Variants in SCN11A observed in about 807,000 individuals in gnomAD.
SCN11A encodes sodium voltage-gated channel alpha subunit 11, also known as sodium channel protein type 11 subunit alpha.
Under a neutral mutation model 162.2 loss-of-function variants are expected in SCN11A, and 122 were observed. That is an observed-to-expected ratio of 0.75 (90% CI 0.65 to 0.87). The LOEUF (loss-of-function observed/expected upper bound fraction) is 0.87, where lower values mean the gene tolerates loss of function less well. SCN11A is among the 40% of genes least tolerant of loss of function. The probability of loss-of-function intolerance (pLI) is 0.00; values close to 1 mark genes in which losing one functional copy is unlikely to be tolerated. For synonymous variants in SCN11A, 758 were observed against 751.5 expected (o/e 1.01, Z -0.14); for missense variants, 2,015 against 2,181.6 (o/e 0.92, Z 1.52).
chr3:38,997,487 C>G (rs1273920239), intron 2 of SCN11A, among the ~76,000 whole-genome samples: 1 of 152,238 alleles, frequency 6.6e-6, no homozygotes, highest in Non-Finnish European at 1.5e-5. Context: ...AGTCCTCATG[C>G]TATGCTTTAT....
At chr3:39,020,494 G>C (rs566706598) in intron 2 of SCN11A, among the ~76,000 whole-genome samples, 1 of 152,254 alleles carries the variant, frequency 6.6e-6, no homozygotes, top group African/African-American at 2.4e-5. Context: ...TTTGAGATTT[G>C]AAACTCTCAG....
chr3:38,888,717 C>T (rs940303371), intron 19 of SCN11A, among the ~76,000 whole-genome samples: 2 of 152,146 alleles, frequency 1.3e-5, no homozygotes, highest in Non-Finnish European at 2.9e-5. Context: ...TGAGAGTGCA[C>T]AGCAAATGAA....
At chr3:39,044,335 T>C (rs1172318097) in intron 1 of SCN11A, among the ~76,000 whole-genome samples, 1 of 152,160 alleles carries the variant, frequency 6.6e-6, no homozygotes, top group Non-Finnish European at 1.5e-5. Context: ...AACAGACATT[T>C]ACAGAACATT....
chr3:38,920,689 A>G (rs1198734338), intron 10 of SCN11A, among the ~76,000 whole-genome samples: 7 of 151,656 alleles, frequency 4.6e-5, no homozygotes, highest in Non-Finnish European at 1.0e-4. Context: ...CATCTCAAAA[A>G]AAAAAAAAAA....
At chr3:39,039,372 C>T (rs1344881516) in intron 1 of SCN11A, among the ~76,000 whole-genome samples, 2 of 152,184 alleles carry the variant, frequency 1.3e-5, no homozygotes, top group Non-Finnish European at 2.9e-5. Context: ...TCCACAAACA[C>T]ACAATGAACC....
At chr3:38,937,104 A>T (rs1387586061) in intron 7 of SCN11A, among the ~76,000 whole-genome samples, 2 of 152,092 alleles carry the variant, frequency 1.3e-5, no homozygotes, top group African/African-American at 4.8e-5. Context: ...CAAACCTGAC[A>T]AAAACAAGCA....
chr3:38,904,584 C>T (rs959151813), intron 15 of SCN11A, among the ~76,000 whole-genome samples: 3 of 152,172 alleles, frequency 2.0e-5, no homozygotes. Flanking sequence ...CCCTGATTTC[C>T]CTGGCACCGC....
chr3:38,870,217 A>G (rs1157077564), intron 26 of SCN11A, among the ~76,000 whole-genome samples: 3 of 152,216 alleles, frequency 2.0e-5, no homozygotes, highest in African/African-American at 7.2e-5. Flanking sequence ...ACAGCTGGTC[A>G]TCACTAGAAA....
Position 38,971,587 on chromosome 3 carries a change from A to G in SCN11A, c.-279-11164T>C, listed in dbSNP as rs189814402. ...GCCCTCTTCTTTACTTCCTTTCCAA[A>G]TCCACACCAACATTCAGAACTGGTT... On this transcript the variant is annotated intron_variant, in intron 2 of 29. Coordinates refer to ENST00000302328, the MANE Select transcript of SCN11A (RefSeq NM_001349253.2). Among the ~76,000 whole-genome samples, 126 of 152,170 alleles carry G rather than the reference A, an allele frequency of 8.3e-4. 1 individual carries two copies. The highest frequency in any genetic ancestry group is 3.0e-3 in the African/African-American group (125 of 41,512).
chr3:39,015,745 T>C (rs1275704926), intron 2 of SCN11A, among the ~76,000 whole-genome samples: 1 of 152,136 alleles, frequency 6.6e-6, no homozygotes, highest in Non-Finnish European at 1.5e-5. Context: ...ATGTGACATA[T>C]ATATTTTTTG....
chr3:38,902,039 A>C (rs1049625732), intron 16 of SCN11A, among the ~76,000 whole-genome samples: 1 of 152,178 alleles, frequency 6.6e-6, no homozygotes, highest in Non-Finnish European at 1.5e-5. Flanking sequence ...CTAAATTTGG[A>C]CCAGCAGATG....
At chr3:38,995,839 A>G (rs972804180) in intron 2 of SCN11A, among the ~76,000 whole-genome samples, 1 of 151,898 alleles carries the variant, frequency 6.6e-6, no homozygotes, top group Non-Finnish European at 1.5e-5. Context: ...CTATCTATCT[A>G]TCTATCTATA....
intron 26 of SCN11A, among the ~76,000 whole-genome samples, chr3:38,870,318 C>G (rs552240701): frequency 6.6e-6 from 1 of 152,298 alleles, no homozygotes; most frequent in Non-Finnish European, 1.5e-5. Flanking sequence ...AGGTTTCCCA[C>G]AATCTAAAAC....
intron 28 of SCN11A, among the ~76,000 whole-genome samples, chr3:38,861,266 TC>T (rs1421779159): frequency 2.6e-4 from 40 of 152,040 alleles, no homozygotes; most frequent in South Asian, 2.1e-4. Flanking sequence ...TGGATACACA[TC>T]CCCTGCTCAT....
intron 2 of SCN11A, among the ~76,000 whole-genome samples, chr3:38,992,528 C>T (rs2030484347): frequency 6.6e-6 from 1 of 152,222 alleles, no homozygotes. Flanking sequence ...CTTCCCATTA[C>T]ATCTCTCTTG....
intron 2 of SCN11A, among the ~76,000 whole-genome samples, chr3:38,988,362 C>T (rs1435725705): frequency 1.3e-5 from 2 of 152,126 alleles, no homozygotes; most frequent in Non-Finnish European, 2.9e-5. Flanking sequence ...TTCCATCATT[C>T]ACCTCCTGGC....
chr3:38,876,253 A>C (rs190549252), intron 23 of SCN11A, among the ~76,000 whole-genome samples: 29 of 152,328 alleles, frequency 1.9e-4, no homozygotes, highest in Admixed American at 5.9e-4. Context: ...GAAACCATAC[A>C]AATTCTAGAA....
chr3:38,938,086 T>C (rs1402551179), intron 7 of SCN11A, among the ~76,000 whole-genome samples: 1 of 152,120 alleles, frequency 6.6e-6, no homozygotes, highest in East Asian at 1.9e-4. Context: ...TGTAGGGACA[T>C]GGATGAAATT....
chr3:38,872,327 T>A, intron 23 of SCN11A, 33 bp from the exon 24 acceptor site: 1 of 1,178,204 alleles, frequency 8.5e-7, no homozygotes, highest in Non-Finnish European at 1.3e-6. Context: ...ATAATGTACC[T>A]GACTTGGTGT....
Sources: allele counts gnomAD v4.1 joint callset (sites outside exome capture counted in the v4.1 genomes callset), GRCh38; gene constraint gnomAD v4.1.1; transcripts MANE v1.5; gene names NCBI Gene and HGNC (gene_info 2026-07-23, HGNC 2026-07-21).